SEMA6D: variants seen among roughly 807,000 people sequenced by gnomAD.
SEMA6D encodes the protein semaphorin 6D, also known as semaphorin-6D.
A neutral mutation model predicts 106.6 loss-of-function variants in SEMA6D; 35 were observed. That is an observed-to-expected ratio of 0.33 (90% CI 0.25 to 0.44). SEMA6D has a LOEUF of 0.44. Ranked by LOEUF, SEMA6D falls within the 20% of genes least tolerant of loss-of-function variation. The probability of loss-of-function intolerance (pLI) is 1.00; values close to 1 mark genes in which losing one functional copy is unlikely to be tolerated. For missense variants in SEMA6D, 1,185 were observed against 1,345.9 expected (o/e 0.88, Z 1.87); for synonymous variants, 499 against 487.7 (o/e 1.02, Z -0.31).
intron 4 of SEMA6D, among the ~76,000 whole-genome samples, chr15:47,692,192 C>G (rs2078601447): frequency 6.6e-6 from 1 of 152,078 alleles, no homozygotes; most frequent in South Asian, 2.1e-4. Context: ...TGTTCCTTAG[C>G]TAATGACATC....
At chr15:47,389,242 A>G (rs1567045462) in intron 1 of SEMA6D, among the ~76,000 whole-genome samples, 1 of 152,256 alleles carries the variant, frequency 6.6e-6, no homozygotes, top group South Asian at 2.1e-4. Flanking sequence ...TAATGCATAT[A>G]TAAAGTGCCT....
intron 1 of SEMA6D, among the ~76,000 whole-genome samples, chr15:47,278,287 A>T (rs1045153641): frequency 0.017 from 2,552 of 151,254 alleles, 48 homozygotes; most frequent in African/African-American, 0.019. Context: ...GTTTCCTGAC[A>T]TTTTAATGAT....
Position 47,764,991 on chromosome 15 carries a change from G to A in SEMA6D, c.1362G>A (p.Lys454=). The A allele has an allele frequency of 6.2e-7, 1 of 1,613,904 alleles. No homozygotes were observed. The highest frequency in any genetic ancestry group is 1.1e-5 in the South Asian group (1 of 91,078). The change falls in exon 13 of 19, where the codon AAG becomes AAA. Residue 454 remains lysine (K), a synonymous_variant. Transcript: ENST00000536845. ...EAGMVLKVLA[K]TSPFSLNDSV... ...GCATGGTACTTAAAGTTCTGGCAAAGACCAGTCCTTTCTCTTTGAACGACA... is the reference window on the plus strand; with the variant it reads ...GCATGGTACTTAAAGTTCTGGCAAAAACCAGTCCTTTCTCTTTGAACGACA...
intron 1 of SEMA6D, among the ~76,000 whole-genome samples, chr15:47,253,350 T>C (rs191155501): frequency 6.6e-6 from 1 of 152,324 alleles, no homozygotes; most frequent in East Asian, 1.9e-4. Context: ...ATGCAGAAGC[T>C]TTTTGCTTTG....
intron 1 of SEMA6D, among the ~76,000 whole-genome samples, chr15:47,219,297 T>C (rs1056228333): frequency 6.6e-6 from 1 of 152,208 alleles, no homozygotes; most frequent in Non-Finnish European, 1.5e-5. Flanking sequence ...AGATGGACCA[T>C]GGATCCTGAG....
intron 4 of SEMA6D, among the ~76,000 whole-genome samples, chr15:47,652,840 T>A (rs1018023254): frequency 3.7e-4 from 57 of 152,352 alleles, no homozygotes; most frequent in African/African-American, 1.2e-3. Context: ...TAGACACTCA[T>A]AAAGCTGTTC....
chr15:47,739,707 G>A (rs1203425599), intron 1 of SEMA6D, among the ~76,000 whole-genome samples: 1 of 152,182 alleles, frequency 6.6e-6, no homozygotes, highest in African/African-American at 2.4e-5. Context: ...TTGAACTGCA[G>A]TTTCTTGGTC....
intron 1 of SEMA6D, among the ~76,000 whole-genome samples, chr15:47,328,141 A>C (rs2037205317): frequency 6.6e-6 from 1 of 152,190 alleles, no homozygotes. Context: ...AAATCTGGTA[A>C]TTCAGGCACA....
intron 1 of SEMA6D, among the ~76,000 whole-genome samples, chr15:47,360,312 G>T (rs1012399452): frequency 6.6e-6 from 1 of 152,204 alleles, no homozygotes. Flanking sequence ...AGCCTGCATA[G>T]CAGATAAGCA....
intron 1 of SEMA6D, among the ~76,000 whole-genome samples, chr15:47,324,516 A>G (rs1280923766): frequency 5.3e-5 from 8 of 152,084 alleles, no homozygotes; most frequent in Admixed American, 5.2e-4. Context: ...CCATAGGGAA[A>G]ATGTTATTGG....
intron 15 of SEMA6D, 79 bp from the exon 16 acceptor site, chr15:47,766,537 T>C: frequency 1.5e-6 from 2 of 1,318,740 alleles, no homozygotes; most frequent in Non-Finnish European, 2.2e-6. Context: ...CAGTCTGTGT[T>C]CTTGGTTCTG....
Position 47,401,570 on chromosome 15 carries a change from A to G in SEMA6D, c.-238-10823A>G, listed in dbSNP as rs2040402015. ...CCTTCCACCTGCTCACCCAATACCC[A>G]TGTCTGCTACTTTGTCAGCCTGCTC... On this transcript the variant is annotated intron_variant, in intron 1 of 19. Transcript: ENST00000558014. Among the ~76,000 whole-genome samples the G allele has an allele frequency of 2.0e-5, 3 of 152,174 alleles. No homozygotes were observed. In the South Asian group the frequency reaches 6.2e-4, roughly 32 times the overall value.
chr15:47,241,547 T>C (rs1238427859), intron 1 of SEMA6D, among the ~76,000 whole-genome samples: 4 of 152,058 alleles, frequency 2.6e-5, no homozygotes, highest in Admixed American at 2.6e-4. Context: ...TTTCCATGCA[T>C]TCTGGTTCCA....
chr15:47,218,874 C>T (rs1300982880), intron 1 of SEMA6D, among the ~76,000 whole-genome samples: 2 of 152,178 alleles, frequency 1.3e-5, no homozygotes, highest in African/African-American at 4.8e-5. Flanking sequence ...TAGACAAGGT[C>T]ATGTAGCTTG....
chr15:47,407,396 ACAACAACAAC>A (rs2040619524), intron 1 of SEMA6D, among the ~76,000 whole-genome samples: 1 of 138,068 alleles, frequency 7.2e-6, no homozygotes, highest in Non-Finnish European at 1.6e-5. Flanking sequence ...AACCAAAACA[ACAACAACAAC>A]AACAAAAAAA....
intron 4 of SEMA6D, among the ~76,000 whole-genome samples, chr15:47,663,266 T>C (rs947818508): frequency 6.6e-6 from 1 of 152,172 alleles, no homozygotes; most frequent in African/African-American, 2.4e-5. Context: ...CATTGCTCAC[T>C]GTGAAAAAGG....
At chr15:47,423,821 G>A (rs928400241) in intron 2 of SEMA6D, among the ~76,000 whole-genome samples, 2 of 151,888 alleles carry the variant, frequency 1.3e-5, no homozygotes, top group African/African-American at 4.8e-5. Flanking sequence ...CTTGGTGGTG[G>A]GGTTTGTCTA....
At chr15:47,647,028 T>C in intron 4 of SEMA6D, among the ~76,000 whole-genome samples, 1 of 152,062 alleles carries the variant, frequency 6.6e-6, no homozygotes, top group Admixed American at 6.6e-5. Context: ...CGTTTTGAGG[T>C]TTTCTTTTTT....
intron 1 of SEMA6D, among the ~76,000 whole-genome samples, chr15:47,314,619 G>A (rs74424708): frequency 0.011 from 1,179 of 111,524 alleles, no homozygotes; most frequent in Non-Finnish European, 0.018. Flanking sequence ...AAAAAAAAAA[G>A]AATTCTTTGT....
Sources: gnomAD v4.1 joint callset for allele counts (sites outside exome capture counted in the v4.1 genomes callset) on GRCh38, gnomAD v4.1.1 for gene constraint, MANE v1.5 for transcripts, NCBI Gene and HGNC (gene_info 2026-07-23, HGNC 2026-07-21) for gene names.